Variants in DDC observed in about 807,000 individuals in gnomAD.
DDC encodes the protein aromatic-L-amino-acid decarboxylase.
A neutral mutation model predicts 60.0 loss-of-function variants in DDC; 43 were observed. The observed-to-expected ratio is 0.72, with a 90% CI of 0.56 to 0.92. DDC has a LOEUF of 0.92. DDC is among the 40% of genes least tolerant of loss of function. DDC has a pLI of 0.00. For missense variants in DDC, 573 were observed against 620.2 expected, an observed-to-expected ratio of 0.92 and a Z score of 0.81; for synonymous variants, 232 against 234.6, an observed-to-expected ratio of 0.99 and a Z score of 0.10.
intron 5 of DDC, among the ~76,000 whole-genome samples, chr7:50,528,820 G>T (rs556870968): frequency 6.6e-6 from 1 of 152,116 alleles, no homozygotes; most frequent in African/African-American, 2.4e-5. Flanking sequence ...AGCCCCCACC[G>T]CCACTGTCTC....
chr7:50,476,666 G>GA (rs1311651638), intron 10 of DDC, 23 bp from the exon 11 acceptor site: 5 of 1,606,478 alleles, frequency 3.1e-6, no homozygotes, highest in Non-Finnish European at 4.3e-6. Flanking sequence ...GAAAGAAAAA[G>GA]AAAAAAGAAA....
At chr7:50,522,006 A>G (rs6963534) in intron 6 of DDC, among the ~76,000 whole-genome samples, 106,513 of 151,856 alleles carry the variant, frequency 0.7, 37,792 homozygotes, top group East Asian at 0.8. Context: ...TGCAGATGAC[A>G]TGGTTATCTG....
intron 6 of DDC, among the ~76,000 whole-genome samples, chr7:50,522,205 G>GAAAAAAAA (rs59489350): frequency 6.7e-6 from 1 of 148,154 alleles, no homozygotes; most frequent in African/African-American, 2.5e-5. Context: ...AAAGTAAAAA[G>GAAAAAAAA]AAAAAAAAAA....
At chr7:50,462,377 A>C (rs1419172102) in intron 14 of DDC, among the ~76,000 whole-genome samples, 1 of 152,178 alleles carries the variant, frequency 6.6e-6, no homozygotes, top group Non-Finnish European at 1.5e-5. Flanking sequence ...TGTTGCCAAC[A>C]CTGCATTTAT....
intron 6 of DDC, among the ~76,000 whole-genome samples, chr7:50,510,335 A>G (rs776398771): frequency 6.6e-6 from 1 of 152,154 alleles, no homozygotes; most frequent in Non-Finnish European, 1.5e-5. Context: ...GTAAATAAGT[A>G]AATGAATAAA....
At chr7:50,543,543 C>A in intron 2 of DDC, 1 of 368,826 alleles carries the variant, frequency 2.7e-6, no homozygotes, top group South Asian at 2.4e-5. Context: ...TTGAAAGCAG[C>A]CACCAGTGTC....
intron 11 of DDC, among the ~76,000 whole-genome samples, chr7:50,474,197 T>G (rs2042591254): frequency 6.6e-6 from 1 of 152,188 alleles, no homozygotes; most frequent in African/African-American, 2.4e-5. Context: ...AGATAACTAG[T>G]AGAGATAACT....
intron 10 of DDC, 21 bp from the exon 11 acceptor site, chr7:50,476,664 A>G (rs760487778): frequency 1.9e-5 from 30 of 1,606,770 alleles, no homozygotes; most frequent in Non-Finnish European, 2.5e-5. Context: ...GAGAAAGAAA[A>G]AGAAAAAAGA....
At chr7:50,539,222 C>G (rs1376874650) in intron 3 of DDC, 1 of 155,210 alleles carries the variant, frequency 6.4e-6, no homozygotes, top group Non-Finnish European at 1.4e-5. Context: ...TGAGGAACTC[C>G]CCAGGGTGCA....
At chr7:50,499,323 C>A (rs1283526042) in intron 7 of DDC, 81 bp from the exon 8 acceptor site, 14 of 908,544 alleles carry the variant, frequency 1.5e-5, no homozygotes, top group Non-Finnish European at 2.5e-5. Context: ...CCTGTCTGAG[C>A]ACCTTCTTGG....
chr7:50,489,938 TGA>T (rs1024726474), intron 9 of DDC, among the ~76,000 whole-genome samples: 1 of 152,232 alleles, frequency 6.6e-6, no homozygotes, highest in African/African-American at 2.4e-5. Flanking sequence ...TTATAAAATT[TGA>T]GAGAGATTTA....
intron 8 of DDC, among the ~76,000 whole-genome samples, chr7:50,496,881 T>G (rs2043138910): frequency 6.6e-6 from 1 of 152,190 alleles, no homozygotes; most frequent in Admixed American, 6.5e-5. Flanking sequence ...GGGAGGCATT[T>G]GGTTGGTGGA....
At chr7:50,543,102 C>T (rs898289127) in intron 2 of DDC, 1 of 153,354 alleles carries the variant, frequency 6.5e-6, no homozygotes, top group Non-Finnish European at 1.5e-5. Context: ...CCTGCCTGGA[C>T]TCTGCACATT....
intron 7 of DDC, among the ~76,000 whole-genome samples, chr7:50,499,801 TG>T (rs1165914117): frequency 3.9e-5 from 6 of 152,186 alleles, no homozygotes; most frequent in Non-Finnish European, 7.3e-5. Context: ...AGCAGCCTTG[TG>T]GGCAGGGGCT....
At chr7:50,500,128 G>C (rs1439741125) in intron 7 of DDC, among the ~76,000 whole-genome samples, 1 of 152,128 alleles carries the variant, frequency 6.6e-6, no homozygotes, top group African/African-American at 2.4e-5. Context: ...ACCACAGAGA[G>C]GGCGCGAGCC....
intron 9 of DDC, among the ~76,000 whole-genome samples, chr7:50,484,246 C>T (rs1032080161): frequency 7.2e-5 from 11 of 152,166 alleles, no homozygotes; most frequent in Admixed American, 5.9e-4. Context: ...CTGGCTTTGT[C>T]GATCCTCTCT....
chr7:50,485,182 G>A (rs1015418666), intron 9 of DDC, among the ~76,000 whole-genome samples: 6 of 152,150 alleles, frequency 3.9e-5, no homozygotes, highest in Non-Finnish European at 8.8e-5. Context: ...TATGCCTTTC[G>A]TGTGTATGGA....
At chr7:50,470,383 G>C (rs1464759643) in intron 11 of DDC, among the ~76,000 whole-genome samples, 2 of 152,226 alleles carry the variant, frequency 1.3e-5, no homozygotes. Context: ...GAACACAGAT[G>C]GGGACTGTTG....
chr7:50,514,367 C>T (rs1161749911), intron 6 of DDC, among the ~76,000 whole-genome samples: 1 of 152,146 alleles, frequency 6.6e-6, no homozygotes, highest in African/African-American at 2.4e-5. Flanking sequence ...ACAGAGCCTA[C>T]ACAAATGAGA....
Sources: gnomAD v4.1 joint callset for allele counts (sites outside exome capture counted in the v4.1 genomes callset) on GRCh38, gnomAD v4.1.1 for gene constraint, MANE v1.5 for transcripts, NCBI Gene and HGNC (gene_info 2026-07-23, HGNC 2026-07-21) for gene names.